The following MPP7 variants were observed in gnomAD, a reference collection of about 807,000 sequenced individuals.
MPP7 encodes the protein MAGUK p55 subfamily member 7.
MPP7 carries 60 observed loss-of-function variants against 76.5 expected under a neutral mutation model. The observed-to-expected ratio is 0.78, with a 90% CI of 0.64 to 0.97. The LOEUF (loss-of-function observed/expected upper bound fraction) is 0.97. MPP7 is among the 50% of genes least tolerant of loss of function. The probability of loss-of-function intolerance (pLI) is 0.00; values close to 1 mark genes in which losing one functional copy is unlikely to be tolerated. For synonymous variants in MPP7, 237 were observed against 244.5 expected (o/e 0.97, Z 0.29); for missense variants, 641 against 694.0 (o/e 0.92, Z 0.86).
intron 14 of MPP7, among the ~76,000 whole-genome samples, chr10:28,059,325 T>C (rs1451206342): frequency 9.9e-5 from 15 of 152,194 alleles, no homozygotes; most frequent in Non-Finnish European, 2.2e-4. Flanking sequence ...TTGTTGGTTT[T>C]TGAAGTAAAA....
intron 2 of MPP7, among the ~76,000 whole-genome samples, chr10:28,232,811 C>T (rs987516434): frequency 6.6e-6 from 1 of 152,114 alleles, no homozygotes; most frequent in Non-Finnish European, 1.5e-5. Context: ...AGGCTGCCTT[C>T]AAGGTGTTGG....
chr10:28,053,922 G>C lies in MPP7; in HGVS notation c.*143C>G, dbSNP rs1032192644. The C allele has an allele frequency of 1.5e-6, 1 of 678,238 alleles. No homozygotes were observed. Among genetic ancestry groups the C allele is most frequent in the African/African-American group, 1.8e-5 (1 of 55,318 alleles). The allele number at this position is 678,238 out of a possible 1,614,324, so 42.0% of individuals were successfully genotyped here. A position where few individuals can be genotyped will look rare whatever the true frequency, so the allele number is the denominator to read the frequency against. On this transcript the variant is annotated 3_prime_UTR_variant, in exon 17 of 17. Transcript: ENST00000683449. ...GGCGTTTGAAATAAGGCTGTAAAAA[G>C]ATACAAACAAAACCAGCATTCAACT... is the stretch of plus-strand genomic sequence containing the variant.
chr10:28,135,197 T>A (rs1238672289), intron 5 of MPP7, among the ~76,000 whole-genome samples: 1 of 151,774 alleles, frequency 6.6e-6, no homozygotes, highest in Non-Finnish European at 1.5e-5. Context: ...TCTCCTTGAG[T>A]TGGGAAAACA....
intron 2 of MPP7, among the ~76,000 whole-genome samples, chr10:28,213,320 C>A (rs1838204450): frequency 6.6e-6 from 1 of 151,924 alleles, no homozygotes; most frequent in Non-Finnish European, 1.5e-5. Flanking sequence ...GGATTAAATC[C>A]AAGAGGGCAG....
chr10:28,080,526 A>G (rs1309641813), intron 12 of MPP7, among the ~76,000 whole-genome samples: 1 of 152,120 alleles, frequency 6.6e-6, no homozygotes, highest in Non-Finnish European at 1.5e-5. Context: ...ATCATTTCTT[A>G]CTAATTTATT....
intron 3 of MPP7, among the ~76,000 whole-genome samples, chr10:28,194,817 T>C (rs372821989): frequency 6.6e-6 from 1 of 152,278 alleles, no homozygotes; most frequent in African/African-American, 2.4e-5. Context: ...TGTCAAAACC[T>C]GGAAGTATAC....
rs937432798 is a variant in MPP7, at chr10:28,052,236, T to C, written c.*1829A>G. 6.6e-6 allele frequency: 1 copy of C among 152,226 alleles called. No individual in the cohort carries two copies. The allele number at this position is 152,226 out of a possible 1,614,324, so 9.4% of individuals were successfully genotyped here. A position where few individuals can be genotyped will look rare whatever the true frequency, so the allele number is the denominator to read the frequency against. On this transcript the variant is annotated 3_prime_UTR_variant, in exon 17 of 17. Transcript: ENST00000683449. Reference sequence around the variant, plus strand: ...CATTCTTTGTACAAGAAGTCTTGATTTATAGAAAATTTCAGACAATGTTCA... The same window carrying C: ...CATTCTTTGTACAAGAAGTCTTGATCTATAGAAAATTTCAGACAATGTTCA...
chr10:28,143,937 T>C (rs1016190143), intron 5 of MPP7, among the ~76,000 whole-genome samples: 4 of 150,302 alleles, frequency 2.7e-5, no homozygotes, highest in African/African-American at 9.8e-5. Flanking sequence ...CAGGCTAGAG[T>C]GAAGCGGCGT....
At chr10:28,319,223 AT>A (rs1834344915) in intron 2 of MPP7, among the ~76,000 whole-genome samples, 1 of 152,168 alleles carries the variant, frequency 6.6e-6, no homozygotes. Context: ...ATCAGCTCTC[AT>A]GAGAACTCAC....
Position 28,140,520 on chromosome 10 carries a change from G to GA in MPP7, c.315+6962dup, listed in dbSNP as rs376943190. 3.8e-3 allele frequency among the ~76,000 whole-genome samples: 567 copies of GA among 149,082 alleles called. 3 individuals are homozygous for GA. Among genetic ancestry groups the GA allele is most frequent in the African/African-American group, 0.013 (531 of 40,704 alleles). ...AGTGAGACTTAGTTTCAAAAAAAAA[G>GA]AAAAAAAAATAGAATTGATAATAAT... On this transcript the variant is annotated intron_variant, in intron 5 of 16. Coordinates refer to ENST00000683449, the MANE Select transcript of MPP7 (RefSeq NM_001318170.2).
At chr10:28,080,142 AGAAG>A (rs949846032) in intron 12 of MPP7, among the ~76,000 whole-genome samples, 24 of 151,974 alleles carry the variant, frequency 1.6e-4, no homozygotes, top group African/African-American at 5.1e-4. Context: ...AGAAAAGAAA[AGAAG>A]GAAGGAAGGA....
Position 28,095,268 on chromosome 10 carries a change from C to T in MPP7, c.953-5427G>A, listed in dbSNP as rs528550160. On this transcript the variant is annotated intron_variant, in intron 11 of 16. Coordinates refer to ENST00000683449, the MANE Select transcript of MPP7 (RefSeq NM_001318170.2). ...ACAGACATATATATGTATACACATG[C>T]ACAGACAGGGTGAAAAGAAGGAAAA... Among the ~76,000 whole-genome samples the T allele has an allele frequency of 9.6e-4, 141 of 147,384 alleles. 1 individual carries two copies. Among genetic ancestry groups the T allele is most frequent in the African/African-American group, 3.4e-3 (136 of 40,064 alleles).
At chr10:28,074,386 T>C (rs954650439) in intron 12 of MPP7, among the ~76,000 whole-genome samples, 2 of 152,006 alleles carry the variant, frequency 1.3e-5, no homozygotes, top group Admixed American at 1.3e-4. Context: ...CAACCTCCGC[T>C]TCCTGGGTTC....
chr10:28,133,907 T>A (rs1350538981), intron 5 of MPP7, among the ~76,000 whole-genome samples: 7 of 152,188 alleles, frequency 4.6e-5, no homozygotes, highest in Non-Finnish European at 1.0e-4. Flanking sequence ...TTTTCATTGC[T>A]ATATAGTTTT....
intron 1 of MPP7, among the ~76,000 whole-genome samples, chr10:28,242,068 T>C (rs1162069334): frequency 6.6e-6 from 1 of 152,194 alleles, no homozygotes; most frequent in East Asian, 1.9e-4. Flanking sequence ...CATTTTTTAT[T>C]AATGTGAACA....
At chr10:28,183,122 T>C (rs915713892) in intron 3 of MPP7, among the ~76,000 whole-genome samples, 2 of 152,138 alleles carry the variant, frequency 1.3e-5, no homozygotes, top group Non-Finnish European at 2.9e-5. Flanking sequence ...AAGAGGAATG[T>C]GTCATGTAAA....
intron 2 of MPP7, among the ~76,000 whole-genome samples, chr10:28,312,107 A>G (rs1841293167): frequency 6.6e-6 from 1 of 152,208 alleles, no homozygotes; most frequent in Non-Finnish European, 1.5e-5. Flanking sequence ...TTTATTGTGA[A>G]GAGCGAAAGA....
At chr10:28,160,250 C>T (rs1456769278) in intron 3 of MPP7, among the ~76,000 whole-genome samples, 1 of 152,190 alleles carries the variant, frequency 6.6e-6, no homozygotes, top group Non-Finnish European at 1.5e-5. Context: ...AACCAGAACT[C>T]TGGTTTGCAG....
intron 8 of MPP7, among the ~76,000 whole-genome samples, chr10:28,123,479 T>G: frequency 6.8e-6 from 1 of 147,672 alleles, no homozygotes; most frequent in Non-Finnish European, 1.5e-5. Context: ...TTTTTTTTTT[T>G]TTTTTTTGAG....
Sources: gnomAD v4.1 joint callset for allele counts (sites outside exome capture counted in the v4.1 genomes callset) on GRCh38, gnomAD v4.1.1 for gene constraint, MANE v1.5 for transcripts, NCBI Gene and HGNC (gene_info 2026-07-23, HGNC 2026-07-21) for gene names.